Variants in MAST2 observed in about 807,000 individuals in gnomAD.
MAST2 encodes the protein microtubule-associated serine/threonine-protein kinase 2.
In MAST2, 70 loss-of-function variants were observed where a neutral mutation model predicts 147.4. The ratio of observed to expected loss-of-function variants is 0.47; its 90% CI spans 0.39 to 0.58. MAST2 has a LOEUF of 0.58. Among genes scored for constraint, MAST2 ranks in the 20% least tolerant of loss-of-function variants. The probability of loss-of-function intolerance (pLI) is 0.00; values close to 1 mark genes in which losing one functional copy is unlikely to be tolerated. For synonymous variants in MAST2, 869 were observed against 896.8 expected, an observed-to-expected ratio of 0.97 and a Z score of 0.55; for missense variants, 2,080 against 2,302.3, an observed-to-expected ratio of 0.90 and a Z score of 1.98.
At chr1:45,956,974 A>T (rs965797434) in intron 4 of MAST2, among the ~76,000 whole-genome samples, 4 of 152,188 alleles carry the variant, frequency 2.6e-5, no homozygotes, top group Admixed American at 2.6e-4. Flanking sequence ...GGTCGAATTT[A>T]TGTGGGATGA....
intron 4 of MAST2, among the ~76,000 whole-genome samples, chr1:45,914,292 C>T (rs1012970462): frequency 8.1e-4 from 124 of 152,308 alleles, no homozygotes; most frequent in African/African-American, 2.7e-3. Context: ...CCTGTCAGCT[C>T]AGGACCTCAG....
rs775154738 is a variant in MAST2 at position 46,006,407 on chromosome 1, C to G, written c.902+12C>G. On this transcript the variant is annotated intron_variant, in intron 8 of 28. Transcript: ENST00000361297. ...TCCCGGAGCCTCAGGTGAGGGTGCT[C>G]TCTGCCCACTGTTCCAGTGCATGTG... The G allele has an allele frequency of 3.2e-5, 52 of 1,608,924 alleles. No homozygotes were observed. The highest frequency in any genetic ancestry group is 3.3e-4 in the Middle Eastern group (2 of 5,986).
intron 3 of MAST2, among the ~76,000 whole-genome samples, chr1:45,856,465 G>A (rs922791700): frequency 2.6e-5 from 4 of 152,236 alleles, no homozygotes; most frequent in Admixed American, 1.3e-4. Flanking sequence ...CACACACGCA[G>A]TTGCACATGT....
chr1:45,878,186 G>A (rs1646688063), intron 3 of MAST2, among the ~76,000 whole-genome samples: 1 of 140,154 alleles, frequency 7.1e-6, no homozygotes, highest in African/African-American at 2.7e-5. Context: ...TCTGGGTGAT[G>A]GAGCAAGGCT....
rs755093221 is a variant in MAST2 at position 46,029,583 on chromosome 1, C to T, written c.2320+16C>T. On this transcript the variant is annotated intron_variant, in intron 19 of 28. Coordinates refer to ENST00000361297, the MANE Select transcript of MAST2 (RefSeq NM_015112.3). ...CTTGGCACAGGTAGGGCAGGCCCTG[C>T]TAACTTTTCTCACTACTTGGAAAAG... is the stretch of plus-strand genomic sequence containing the variant. The T allele has an allele frequency of 2.1e-5, 33 of 1,608,634 alleles. No homozygotes were observed. The African/African-American group carries it at 3.6e-4, about 18-fold the overall frequency.
intron 5 of MAST2, among the ~76,000 whole-genome samples, chr1:45,978,091 T>G (rs1368758504): frequency 2.6e-5 from 4 of 151,694 alleles, no homozygotes; most frequent in African/African-American, 9.7e-5. Flanking sequence ...CAAAAAAACC[T>G]GTACATCAAT....
At chr1:46,000,147 C>G (rs1645214922) in intron 6 of MAST2, among the ~76,000 whole-genome samples, 3 of 152,124 alleles carry the variant, frequency 2.0e-5, no homozygotes, top group African/African-American at 7.2e-5. Context: ...AACACCATCT[C>G]TACTAAAAAT....
At chr1:45,838,425 G>C (rs1235021635) in intron 3 of MAST2, among the ~76,000 whole-genome samples, 1 of 151,456 alleles carries the variant, frequency 6.6e-6, no homozygotes, top group African/African-American at 2.4e-5. Context: ...GTTTTGCCAT[G>C]TTGGCCAGGC....
At chr1:45,924,815 C>T (rs950839844) in intron 4 of MAST2, among the ~76,000 whole-genome samples, 7 of 151,958 alleles carry the variant, frequency 4.6e-5, no homozygotes, top group African/African-American at 9.7e-5. Context: ...TGTGTCCTTA[C>T]GAGAAGAGGG....
intron 1 of MAST2, among the ~76,000 whole-genome samples, chr1:45,808,945 C>T (rs749171338): frequency 3.3e-5 from 5 of 151,716 alleles, no homozygotes; most frequent in African/African-American, 4.8e-5. Context: ...TCCTTAGGAC[C>T]GTCTGCTTTT....
chr1:45,973,900 G>A (rs1297376486), intron 5 of MAST2, among the ~76,000 whole-genome samples: 1 of 152,160 alleles, frequency 6.6e-6, no homozygotes, highest in Non-Finnish European at 1.5e-5. Context: ...AATGGTGGGG[G>A]CAAAACCTAA....
chr1:45,812,161 G>A, intron 1 of MAST2, among the ~76,000 whole-genome samples: 1 of 152,178 alleles, frequency 6.6e-6, no homozygotes, highest in Middle Eastern at 3.2e-3. Context: ...TGAGACATGA[G>A]CATTTGAGAA....
intron 4 of MAST2, among the ~76,000 whole-genome samples, chr1:45,955,950 A>T (rs1440616755): frequency 3.3e-5 from 5 of 152,240 alleles, no homozygotes; most frequent in African/African-American, 1.2e-4. Context: ...TGACTGTGAT[A>T]ATGAACATGA....
At chr1:45,947,930 A>T (rs1047212432) in intron 4 of MAST2, among the ~76,000 whole-genome samples, 3 of 152,128 alleles carry the variant, frequency 2.0e-5, no homozygotes, top group African/African-American at 7.2e-5. Context: ...GTTAGCCAGG[A>T]TGGTCTTGAT....
chr1:46,022,383 G>A (rs1403699500), intron 12 of MAST2, among the ~76,000 whole-genome samples: 2 of 152,202 alleles, frequency 1.3e-5, no homozygotes, highest in African/African-American at 4.8e-5. Context: ...TGCAAAAATG[G>A]TCACCTCCTC....
At chr1:45,937,805 C>T (rs1334120213) in intron 4 of MAST2, among the ~76,000 whole-genome samples, 2 of 144,102 alleles carry the variant, frequency 1.4e-5, no homozygotes, top group African/African-American at 2.6e-5. Flanking sequence ...AGCAATTCAA[C>T]GTAAGCGATT....
intron 4 of MAST2, among the ~76,000 whole-genome samples, chr1:45,939,785 C>T (rs961364349): frequency 2.0e-5 from 3 of 151,626 alleles, no homozygotes; most frequent in African/African-American, 7.3e-5. Flanking sequence ...CGTGATCTGC[C>T]CACCTTGGCC....
intron 12 of MAST2, among the ~76,000 whole-genome samples, chr1:46,022,310 G>A (rs1202651258): frequency 2.0e-5 from 3 of 152,180 alleles, no homozygotes; most frequent in East Asian, 1.9e-4. Flanking sequence ...GCATTGGCCC[G>A]GCTGAGTTGC....
At chr1:45,925,395 C>T (rs1194985676) in intron 4 of MAST2, among the ~76,000 whole-genome samples, 1 of 152,176 alleles carries the variant, frequency 6.6e-6, no homozygotes, top group South Asian at 2.1e-4. Context: ...AATTAAATAA[C>T]CACTAACCTT....
Sources: allele counts gnomAD v4.1 joint callset (sites outside exome capture counted in the v4.1 genomes callset), GRCh38; gene constraint gnomAD v4.1.1; transcripts MANE v1.5; gene names NCBI Gene and HGNC (gene_info 2026-07-23, HGNC 2026-07-21).